Variants in TNIP3 observed in about 807,000 individuals in gnomAD.
TNIP3 encodes TNFAIP3 interacting protein 3, also known as TNFAIP3-interacting protein 3.
Under a neutral mutation model 54.1 loss-of-function variants are expected in TNIP3, and 34 were observed. The observed-to-expected ratio is 0.63, with a 90% CI of 0.48 to 0.84. The LOEUF (loss-of-function observed/expected upper bound fraction) is 0.84, where lower values mean the gene tolerates loss of function less well. Ranked by LOEUF, TNIP3 falls within the 40% of genes least tolerant of loss-of-function variation. TNIP3 has a pLI of 0.00. For synonymous variants in TNIP3, 134 were observed against 136.8 expected (o/e 0.98, Z 0.14); for missense variants, 366 against 387.6 (o/e 0.94, Z 0.47).
chr4:121,188,815 C>A (rs1307026284), intron 2 of TNIP3, among the ~76,000 whole-genome samples: 5 of 152,106 alleles, frequency 3.3e-5, no homozygotes, highest in African/African-American at 7.2e-5. Flanking sequence ...TGAATAAAAC[C>A]TTGGACATGG....
chr4:121,209,495 G>A (rs984107742), intron 2 of TNIP3, among the ~76,000 whole-genome samples: 20 of 152,110 alleles, frequency 1.3e-4, no homozygotes, highest in South Asian at 2.1e-4. Flanking sequence ...AAAAAACTAC[G>A]CATTTGTGGT....
At chr4:121,165,024 A>G (rs913259897), upstream of TNIP3, among the ~76,000 whole-genome samples, 6 of 152,048 alleles carry the variant, frequency 3.9e-5, no homozygotes, top group African/African-American at 1.4e-4. Context: ...GTGAACTGCG[A>G]TGGAACAGAA....
At chr4:121,217,280 A>G (rs1726837847), upstream of TNIP3, among the ~76,000 whole-genome samples, 1 of 152,168 alleles carries the variant, frequency 6.6e-6, no homozygotes, top group African/African-American at 2.4e-5. Flanking sequence ...CTGAGAACCC[A>G]TCAGAAAATT....
At chr4:121,197,957 CAT>C (rs1262089398) in intron 2 of TNIP3, among the ~76,000 whole-genome samples, 1 of 152,158 alleles carries the variant, frequency 6.6e-6, no homozygotes, top group Admixed American at 6.5e-5. Flanking sequence ...AATAAATACA[CAT>C]GTGAAAGATT....
intron 10 of TNIP3, 87 bp from the exon 11 acceptor site, chr4:121,132,749 G>T: frequency 8.4e-7 from 1 of 1,190,616 alleles, no homozygotes; most frequent in Non-Finnish European, 1.2e-6. Flanking sequence ...TAAAGTTCCA[G>T]GATGGCAAAA....
At chr4:121,154,094 C>A in intron 5 of TNIP3, 1 of 184,016 alleles carries the variant, frequency 5.4e-6, no homozygotes, top group Non-Finnish European at 1.1e-5. Flanking sequence ...TTTAGGCTTG[C>A]ACTTGAGAGA....
intron 1 of TNIP3, among the ~76,000 whole-genome samples, chr4:121,222,804 G>GCTT (rs1188518886): frequency 9.5e-6 from 1 of 105,766 alleles, no homozygotes; most frequent in Non-Finnish European, 1.8e-5. Context: ...TTTTTTGTGC[G>GCTT]TTTTTTTTTT....
intron 2 of TNIP3, among the ~76,000 whole-genome samples, chr4:121,183,548 A>C (rs1423994015): frequency 2.0e-5 from 3 of 152,230 alleles, no homozygotes; most frequent in Non-Finnish European, 4.4e-5. Flanking sequence ...TGTTAGGGCC[A>C]CACAGCAGGA....
rs1247606011 is a variant in TNIP3 at position 121,132,516 on chromosome 4, T to C, written c.*115A>G. 3.1e-6 allele frequency: 3 copies of C among 963,604 alleles called. No homozygotes were observed. Among genetic ancestry groups the C allele is most frequent in the Non-Finnish European group, 4.9e-6 (3 of 617,496 alleles). The allele number at this position is 963,604 out of a possible 1,614,324, so 59.7% of individuals were successfully genotyped here. A position where few individuals can be genotyped will look rare whatever the true frequency, so the allele number is the denominator to read the frequency against. On this transcript the variant is annotated 3_prime_UTR_variant, in exon 11 of 11. Coordinates refer to ENST00000057513, the MANE Select transcript of TNIP3 (RefSeq NM_024873.6). ...AAAGGAAAACATGACCAGGCACAAA[T>C]AACAGGGTAGATGATGTGCCTTTGT...
At chr4:121,193,672 G>T (rs1411460579) in intron 2 of TNIP3, among the ~76,000 whole-genome samples, 2 of 152,030 alleles carry the variant, frequency 1.3e-5, no homozygotes, top group Non-Finnish European at 2.9e-5. Flanking sequence ...AGTATGTAAT[G>T]AATACTAGGG....
At position 121,164,178 on chromosome 4, in the gene TNIP3, G is replaced by A. The variant is rs754700334; in HGVS notation, c.-53C>T. On this transcript the variant is annotated 5_prime_UTR_variant, in exon 1 of 11. Coordinates refer to ENST00000057513, the MANE Select transcript of TNIP3 (RefSeq NM_024873.6). Reference sequence around the variant, plus strand: ...AAGCAGAAAGAAAAACAGGGGAAAAGTCTCTTAAGGTATATTTTAGGGTGA... The same window carrying A: ...AAGCAGAAAGAAAAACAGGGGAAAAATCTCTTAAGGTATATTTTAGGGTGA... The A allele has an allele frequency of 6.2e-7, 1 of 1,612,428 alleles. No individual in the cohort carries two copies. Among genetic ancestry groups the A allele is most frequent in the Non-Finnish European group, 8.5e-7 (1 of 1,179,362 alleles).
chr4:121,208,296 G>A, intron 2 of TNIP3, among the ~76,000 whole-genome samples: 1 of 152,118 alleles, frequency 6.6e-6, no homozygotes, highest in Admixed American at 6.6e-5. Flanking sequence ...CTCCCCAGTT[G>A]CTCCTAGGGA....
intron 1 of TNIP3, among the ~76,000 whole-genome samples, chr4:121,224,496 A>T (rs1727178110): frequency 6.6e-6 from 1 of 152,226 alleles, no homozygotes; most frequent in Non-Finnish European, 1.5e-5. Flanking sequence ...CAGACTAATT[A>T]TACCTTAATG....
chr4:121,203,005 GA>G (rs1214989275), intron 2 of TNIP3, among the ~76,000 whole-genome samples: 4 of 152,080 alleles, frequency 2.6e-5, no homozygotes, highest in African/African-American at 9.7e-5. Flanking sequence ...AACCACTATG[GA>G]AAACAGTGTG....
At chr4:121,145,427 A>G (rs1729370040) in intron 7 of TNIP3, among the ~76,000 whole-genome samples, 1 of 152,078 alleles carries the variant, frequency 6.6e-6, no homozygotes, top group African/African-American at 2.4e-5. Flanking sequence ...TAGAAAATAC[A>G]TTTATTTTGT....
chr4:121,178,301 T>C (rs1481561453), intron 3 of TNIP3, among the ~76,000 whole-genome samples: 1 of 152,178 alleles, frequency 6.6e-6, no homozygotes, highest in African/African-American at 2.4e-5. Context: ...AGAAATACTT[T>C]GCAAAAATGC....
intron 9 of TNIP3, among the ~76,000 whole-genome samples, chr4:121,140,508 C>T (rs548015698): frequency 1.1e-4 from 17 of 152,162 alleles, no homozygotes; most frequent in African/African-American, 3.9e-4. Context: ...TTCCTTCCTT[C>T]TTTCCATAAA....
intron 7 of TNIP3, among the ~76,000 whole-genome samples, chr4:121,144,200 C>T (rs776658580): frequency 6.6e-6 from 1 of 152,062 alleles, no homozygotes; most frequent in African/African-American, 2.4e-5. Context: ...AACCAGTTTT[C>T]GTTTTCTCAC....
At chr4:121,168,845 C>T (rs546833591), upstream of TNIP3, among the ~76,000 whole-genome samples, 3 of 152,218 alleles carry the variant, frequency 2.0e-5, no homozygotes, top group Admixed American at 6.5e-5. Context: ...TGATTTTATT[C>T]ATAGGAACAT....
Sources: allele counts gnomAD v4.1 joint callset (sites outside exome capture counted in the v4.1 genomes callset), GRCh38; gene constraint gnomAD v4.1.1; transcripts MANE v1.5; gene names NCBI Gene and HGNC (gene_info 2026-07-23, HGNC 2026-07-21).